NLRP5: variants seen among roughly 807,000 people sequenced by gnomAD.
NLRP5 encodes the protein NACHT, LRR and PYD domains-containing protein 5.
A neutral mutation model predicts 113.1 loss-of-function variants in NLRP5; 93 were observed. The observed-to-expected ratio is 0.82, with a 90% CI of 0.70 to 0.98. The LOEUF (loss-of-function observed/expected upper bound fraction) is 0.98, where lower values mean the gene tolerates loss of function less well. Ranked by LOEUF, NLRP5 falls within the 50% of genes least tolerant of loss-of-function variation. The pLI is 0.00. For missense variants in NLRP5, 1,808 were observed against 1,514.3 expected, an observed-to-expected ratio of 1.19 and a Z score of -3.22; for synonymous variants, 751 against 600.7, an observed-to-expected ratio of 1.25 and a Z score of -3.66.
In NLRP5 at chr19:56,003,770, T is replaced by A; in HGVS notation, c.117T>A (p.Leu39=). ...GCTCTATATTACCAAAGAATCCACT[T>A]TTCCCCCAAAACCTGAGCTCTCAGC... is the stretch of plus-strand genomic sequence containing the variant. The change falls in exon 2 of 15, where the codon CTT becomes CTA. Residue 39 remains leucine (L), a synonymous_variant. Coordinates refer to ENST00000390649, the MANE Select transcript of NLRP5 (RefSeq NM_153447.4). 6.2e-7 allele frequency: 1 copy of A among 1,613,740 alleles called. No individual in the cohort carries two copies. The highest frequency in any genetic ancestry group is 8.5e-7 in the Non-Finnish European group (1 of 1,179,826).
intron 12 of NLRP5, among the ~76,000 whole-genome samples, chr19:56,051,242 G>C (rs768324016): frequency 3.3e-5 from 5 of 152,178 alleles, no homozygotes; most frequent in Non-Finnish European, 7.3e-5. Context: ...GCCCAGGCTA[G>C]AGTGCAGTGG....
At chr19:56,056,873 T>C (rs1376946830) in intron 13 of NLRP5, among the ~76,000 whole-genome samples, 1 of 151,856 alleles carries the variant, frequency 6.6e-6, no homozygotes, top group African/African-American at 2.4e-5. Context: ...GGTGCGGTGG[T>C]GCACGCCTGT....
intron 14 of NLRP5, among the ~76,000 whole-genome samples, chr19:56,060,860 G>A (rs1042920030): frequency 1.3e-5 from 2 of 152,118 alleles, no homozygotes; most frequent in Admixed American, 1.3e-4. Flanking sequence ...CTATATTGCA[G>A]GTCAACTCAC....
intron 11 of NLRP5, 78 bp downstream of exon 11, chr19:56,041,170 G>C (rs1407085812): frequency 1.6e-5 from 22 of 1,416,316 alleles, no homozygotes; most frequent in Non-Finnish European, 2.0e-6. Flanking sequence ...GCAGAAGGCA[G>C]TGGGGAGGGG....
the NLRP5 span, chr19:55,987,826 C>T: frequency 1.2e-6 from 2 of 1,613,852 alleles, no homozygotes; most frequent in Non-Finnish European, 1.7e-6. Context: ...GTATTCCTGC[C>T]TGGACTCGAA....
chr19:56,000,090 T>G (rs867773882), intron 1 of NLRP5, among the ~76,000 whole-genome samples: 74 of 148,690 alleles, frequency 5.0e-4, no homozygotes, highest in African/African-American at 1.7e-3. Context: ...GTCCAGGGAC[T>G]GCCACCTCTC....
intron 2 of NLRP5, among the ~76,000 whole-genome samples, chr19:56,005,366 C>T (rs1301760984): frequency 2.1e-5 from 3 of 144,326 alleles, no homozygotes; most frequent in South Asian, 2.2e-4. Context: ...TTTTTATATA[C>T]ACACATATAT....
Position 56,048,979 on chromosome 19 carries a change from A to ATT in NLRP5, c.2958-1420_2958-1419dup, listed in dbSNP as rs60229740. 5.5e-3 allele frequency among the ~76,000 whole-genome samples: 521 copies of ATT among 94,926 alleles called. 35 individuals carry two copies. The highest frequency in any genetic ancestry group is 0.02 in the African/African-American group (451 of 22,906). 62.3% of individuals were successfully genotyped at this position (94,926 alleles called of 152,430 possible). A position where few individuals can be genotyped will look rare whatever the true frequency, so the allele number is the denominator to read the frequency against. On this transcript the variant is annotated intron_variant, in intron 11 of 14. Transcript: ENST00000390649. ...CTTCAAGCTCTGATTTTTTTTTTTA[A>ATT]TTTTTTTTTTTTTTTTTTTTGAGAC...
chr19:56,003,799 G>A lies in NLRP5; in HGVS notation c.146G>A (p.Cys49Tyr). The change falls in exon 2 of 15, where the codon TGT becomes TAT. Residue 49 changes from cysteine (C) to tyrosine (Y), a missense_variant. By Grantham distance (194) the Cys-to-Tyr change is radical. Transcript: ENST00000390649. ...CCCCAAAACCTGAGCTCTCAGCCTT[G>A]TATCAAGATGGAAGGAGACAAATCG... 1 of 1,613,924 alleles carries A rather than the reference G, an allele frequency of 6.2e-7. No homozygotes were observed. Among genetic ancestry groups the A allele is most frequent in the Non-Finnish European group, 8.5e-7 (1 of 1,179,886 alleles).
At chr19:56,013,515 T>A (rs73068153) in intron 3 of NLRP5, among the ~76,000 whole-genome samples, 8,070 of 151,580 alleles carry the variant, frequency 0.053, 325 homozygotes, top group South Asian at 0.078. Context: ...GTCTCAGGAC[T>A]TCATAACTTT....
Position 56,003,685 on chromosome 19 carries a change from T to C in NLRP5, c.63-31T>C, listed in dbSNP as rs375760778. 6.4e-6 allele frequency: 10 copies of C among 1,556,542 alleles called. No individual in the cohort carries two copies. The African/African-American group carries it at 1.1e-4, about 17-fold the overall frequency. ...GGTGATTGATGTTAGTTGTATCTACTTGAGAATTTGCTGCAAGATCCTCTT... is the reference window on the plus strand; with the variant it reads ...GGTGATTGATGTTAGTTGTATCTACCTGAGAATTTGCTGCAAGATCCTCTT... On this transcript the variant is annotated intron_variant, in intron 1 of 14. Coordinates refer to ENST00000390649, the MANE Select transcript of NLRP5 (RefSeq NM_153447.4).
chr19:56,049,914 G>T (rs1983867207), intron 11 of NLRP5, among the ~76,000 whole-genome samples: 2 of 152,042 alleles, frequency 1.3e-5, no homozygotes, highest in South Asian at 4.1e-4. Flanking sequence ...ATGTTAAAGA[G>T]CCTTGTTTTG....
At chr19:55,991,028 A>T in the NLRP5 span, among the ~76,000 whole-genome samples, 4 of 152,104 alleles carry the variant, frequency 2.6e-5, no homozygotes, top group African/African-American at 9.7e-5. Flanking sequence ...ATTATCATGG[A>T]TTGGAAGAGC....
chr19:56,033,566 T>A lies in NLRP5; in HGVS notation c.2472T>A (p.Pro824=), dbSNP rs762417176. The change falls in exon 9 of 15, where the codon CCT becomes CCA. Residue 824 remains proline, a synonymous_variant. Transcript: ENST00000390649. Reference sequence around the variant, plus strand: ...GGTTTAGAAATGCACAGATTACCCCTGGTGTGCAGCACCTCTGGAGAATCG... The same window carrying A: ...GGTTTAGAAATGCACAGATTACCCCAGGTGTGCAGCACCTCTGGAGAATCG... 3.1e-6 allele frequency: 5 copies of A among 1,613,738 alleles called. No individual in the cohort carries two copies. The highest frequency in any genetic ancestry group is 4.2e-6 in the Non-Finnish European group (5 of 1,179,692).
rs1340094363 is a variant in NLRP5, at chr19:56,023,035, A to G, written c.679+2604A>G. On this transcript the variant is annotated intron_variant, in intron 6 of 14. Coordinates refer to ENST00000390649, the MANE Select transcript of NLRP5 (RefSeq NM_153447.4). ...GCCACTGCACCCAGCGAGACAAAAG[A>G]TGAGTTTTTGATGCTTTGAATTTGA... Among the ~76,000 whole-genome samples, 7 of 152,168 alleles carry G rather than the reference A, an allele frequency of 4.6e-5. No homozygotes were observed. The East Asian group carries it at 1.3e-3, about 29-fold the overall frequency.
At chr19:56,041,179 G>C in intron 11 of NLRP5, 87 bp downstream of exon 11, 3 of 1,312,798 alleles carry the variant, frequency 2.3e-6, no homozygotes, top group Non-Finnish European at 3.2e-6. Context: ...AGTGGGGAGG[G>C]GGTGTGGACA....
At chr19:56,007,038 C>G (rs1981948530) in intron 2 of NLRP5, among the ~76,000 whole-genome samples, 1 of 150,416 alleles carries the variant, frequency 6.6e-6, no homozygotes, top group Non-Finnish European at 1.5e-5. Context: ...TGTGCCTGGC[C>G]TAAAATAAAA....
At chr19:56,019,149 G>GA (rs1982520042) in intron 4 of NLRP5, 193 bp from the exon 5 acceptor site, 1 of 639,146 alleles carries the variant, frequency 1.6e-6, no homozygotes, top group Middle Eastern at 3.4e-4. Flanking sequence ...ATGAGCCTGG[G>GA]ACCCTCACCC....
At chr19:56,009,358 A>AAAAAAAG (rs1271381720) in intron 3 of NLRP5, among the ~76,000 whole-genome samples, 2 of 150,092 alleles carry the variant, frequency 1.3e-5, no homozygotes, top group African/African-American at 4.9e-5. Flanking sequence ...AAAAAAAAAA[A>AAAAAAAG]AGAGTTCTGT....
Sources: gnomAD v4.1 joint callset for allele counts (sites outside exome capture counted in the v4.1 genomes callset) on GRCh38, gnomAD v4.1.1 for gene constraint, MANE v1.5 for transcripts, NCBI Gene and HGNC (gene_info 2026-07-23, HGNC 2026-07-21) for gene names.